PPARD: variants seen among roughly 807,000 people sequenced by gnomAD.
The protein encoded by PPARD is peroxisome proliferator activated receptor delta.
A neutral mutation model predicts 39.5 loss-of-function variants in PPARD; 6 were observed. The ratio of observed to expected loss-of-function variants is 0.15; its 90% confidence interval spans 0.08 to 0.30. The LOEUF is 0.30. Ranked by LOEUF, PPARD falls within the 10% of genes least tolerant of loss-of-function variation. The pLI is 1.00. For synonymous variants in PPARD, 210 were observed against 231.3 expected, an observed-to-expected ratio of 0.91 and a Z score of 0.83; for missense variants, 397 against 596.8, an observed-to-expected ratio of 0.67 and a Z score of 3.49.
chr6:35,375,525 C>CTATACAT (rs1249619703), intron 2 of PPARD, among the ~76,000 whole-genome samples: 2 of 151,658 alleles, frequency 1.3e-5, no homozygotes, highest in Non-Finnish European at 2.9e-5. Context: ...CCGGAATTTT[C>CTATACAT]TTTATTTCTA....
chr6:35,374,934 G>A (rs1762720396), intron 2 of PPARD, among the ~76,000 whole-genome samples: 1 of 151,988 alleles, frequency 6.6e-6, no homozygotes, highest in African/African-American at 2.4e-5. Flanking sequence ...AGTCTTGTTT[G>A]TCCTTCCTCC....
At position 35,347,121 on chromosome 6, in the gene PPARD, C is replaced by T. The variant is rs200381602; in HGVS notation, c.-131C>T. The stretch of plus-strand genomic sequence containing the variant: ...ATACTCACACAGTGGCTTCTGCTCA[C>T]CAACAGATGAAGACAGATGCACCAA... On this transcript the variant is annotated 5_prime_UTR_variant, in exon 2 of 8. Transcript: ENST00000360694. 2 of 1,535,996 alleles carry T rather than the reference C, an allele frequency of 1.3e-6. No individual in the cohort carries two copies. The highest frequency in any genetic ancestry group is 2.7e-5 in the African/African-American group (2 of 73,042).
At chr6:35,381,212 T>TTCCC (rs992718768) in intron 2 of PPARD, among the ~76,000 whole-genome samples, 5 of 152,126 alleles carry the variant, frequency 3.3e-5, no homozygotes, top group African/African-American at 1.2e-4. Flanking sequence ...GCTTCTGTCC[T>TTCCC]TCCCTCCTCC....
intron 1 of PPARD, 96 bp from the exon 2 acceptor site, chr6:35,346,971 A>G (rs1792219593): frequency 2.9e-6 from 2 of 698,326 alleles, no homozygotes; most frequent in South Asian, 1.9e-5. Flanking sequence ...CCTTAGGAAC[A>G]CTCTTTGAGT....
chr6:35,348,314 A>G (rs1761012952), intron 2 of PPARD: 5 of 978,142 alleles, frequency 5.1e-6, no homozygotes, highest in Non-Finnish European at 2.4e-6. Flanking sequence ...TTGCTGGTAT[A>G]TATGAGAGCT....
chr6:35,399,733 A>T (rs574574659), intron 2 of PPARD, among the ~76,000 whole-genome samples: 1 of 152,320 alleles, frequency 6.6e-6, no homozygotes, highest in Non-Finnish European at 1.5e-5. Flanking sequence ...CACCCTCTTC[A>T]TACAGGGGAA....
intron 2 of PPARD, among the ~76,000 whole-genome samples, chr6:35,377,869 A>ATTTTTTTTTTTTTTT (rs1478712456): frequency 9.7e-6 from 1 of 103,088 alleles, no homozygotes; most frequent in African/African-American, 9.4e-5. Context: ...TTGTTTACGT[A>ATTTTTTTTTTTTTTT]TCTTTTTTTT....
chr6:35,423,100 G>A (rs1463757867), intron 5 of PPARD, among the ~76,000 whole-genome samples: 1 of 150,674 alleles, frequency 6.6e-6, no homozygotes, highest in African/African-American at 2.4e-5. Flanking sequence ...GCTTGGTGGC[G>A]TGCACCTGTA....
chr6:35,380,459 G>GTT (rs11334296), intron 2 of PPARD, among the ~76,000 whole-genome samples: 3 of 97,146 alleles, frequency 3.1e-5, no homozygotes, highest in Middle Eastern at 6.3e-3. Context: ...TTAACCTCGT[G>GTT]TTTTTTTTTT....
intron 3 of PPARD, among the ~76,000 whole-genome samples, chr6:35,418,863 TC>T (rs1271730084): frequency 6.6e-6 from 1 of 151,900 alleles, no homozygotes; most frequent in Non-Finnish European, 1.5e-5. Context: ...CTTCTTGTGC[TC>T]CCCCTCCTGT....
chr6:35,379,037 A>G (rs1283587917), intron 2 of PPARD, among the ~76,000 whole-genome samples: 3 of 151,998 alleles, frequency 2.0e-5, no homozygotes, highest in African/African-American at 7.3e-5. Flanking sequence ...AATTTCAGGA[A>G]TCAGCTTGAA....
intron 2 of PPARD, among the ~76,000 whole-genome samples, chr6:35,377,791 G>A (rs76690650): frequency 0.031 from 4,692 of 151,900 alleles, 112 homozygotes; most frequent in Non-Finnish European, 0.042. Context: ...CCTCCCAGGA[G>A]AGCAGCCTTT....
intron 2 of PPARD, among the ~76,000 whole-genome samples, chr6:35,369,149 G>T (rs904458062): frequency 6.6e-6 from 1 of 152,148 alleles, no homozygotes; most frequent in African/African-American, 2.4e-5. Context: ...ATATAAGGAA[G>T]ACCATAAAAT....
Position 35,351,534 on chromosome 6 carries a change from G to C in PPARD, c.-102+4384G>C, listed in dbSNP as rs527834485. Among the ~76,000 whole-genome samples the C allele has an allele frequency of 1.5e-4, 23 of 152,106 alleles. 1 individual carries two copies. The South Asian group carries it at 4.4e-3, about 29-fold the overall frequency. On this transcript the variant is annotated intron_variant, in intron 2 of 7. Coordinates refer to ENST00000360694, the MANE Select transcript of PPARD (RefSeq NM_006238.5). ...TCTTGAAAGTTTGATTTTTATCATT[G>C]GTAACATACTGTTGGTTCTTTTGTT...
Position 35,424,487 on chromosome 6 carries a change from G to T in PPARD, c.786G>T (p.Glu262Asp), listed in dbSNP as rs1159201016. The T allele has an allele frequency of 1.9e-6, 3 of 1,614,226 alleles. No homozygotes were observed. In the Admixed American group the frequency reaches 5.0e-5, roughly 27 times the overall value. The change falls in exon 7 of 8, where the codon GAG (glutamate) becomes GAT (aspartate). Residue 262 changes from glutamate to aspartate, a missense_variant. By Grantham distance (45) the Glu-to-Asp change is conservative. Coordinates refer to ENST00000360694, the MANE Select transcript of PPARD (RefSeq NM_006238.5). The surrounding 1 kb of genome is among the most constrained non-coding windows in gnomAD (Gnocchi z 7.1). ...TGGAGACCGTGCGGGAGCTCACTGA[G>T]TTCGCCAAGAGCATCCCCAGCTTCA... ...TTVETVRELT[E>D]FAKSIPSFSS...
chr6:35,363,910 T>TTTTATATATTATATTAAATTAATATA lies in PPARD; in HGVS notation c.-102+16778_-102+16803dup. Among the ~76,000 whole-genome samples, 1 of 149,402 alleles carries TTTTATATATTATATTAAATTAATATA rather than the reference T, an allele frequency of 6.7e-6. No homozygotes were observed. The highest frequency in any genetic ancestry group is 2.5e-5 in the African/African-American group (1 of 40,392). ...TGATGGTTTTTGTATATTAACTGTG[T>TTTTATATATTATATTAAATTAATATA]TTTATATATTATATTAAATTAATAT... is the stretch of plus-strand genomic sequence containing the variant. On this transcript the variant is annotated intron_variant, in intron 2 of 7. Transcript: ENST00000360694. This position sits in a 1 kb window ranked among gnomAD's most constrained non-coding sequence, Gnocchi z 4.5.
intron 2 of PPARD, among the ~76,000 whole-genome samples, chr6:35,393,137 T>C (rs1195315629): frequency 1.3e-5 from 2 of 152,176 alleles, no homozygotes; most frequent in East Asian, 3.9e-4. Context: ...CTTTGCTGTA[T>C]GGGCCCTGTG....
chr6:35,380,858 C>T (rs1396971869), intron 2 of PPARD, among the ~76,000 whole-genome samples: 1 of 152,108 alleles, frequency 6.6e-6, no homozygotes, highest in Non-Finnish European at 1.5e-5. Flanking sequence ...TCAGGGAGCA[C>T]ACATACATAC....
At chr6:35,369,460 GC>G (rs1159619498) in intron 2 of PPARD, among the ~76,000 whole-genome samples, 3 of 152,078 alleles carry the variant, frequency 2.0e-5, no homozygotes, top group Non-Finnish European at 4.4e-5. Flanking sequence ...CCGCCTCGAT[GC>G]CCCATCCCGC....
Sources: gnomAD v4.1 joint callset for allele counts (sites outside exome capture counted in the v4.1 genomes callset) on GRCh38, gnomAD v4.1.1 for gene constraint, Gnocchi (gnomAD v3.1) non-coding constraint, MANE v1.5 for transcripts, NCBI Gene and HGNC (gene_info 2026-07-23, HGNC 2026-07-21) for gene names.